SGMS1: variants seen among roughly 807,000 people sequenced by gnomAD.
The protein encoded by SGMS1 is sphingomyelin synthase 1, also known as phosphatidylcholine:ceramide cholinephosphotransferase 1.
Under a neutral mutation model 46.2 loss-of-function variants are expected in SGMS1, and 13 were observed. The observed-to-expected ratio is 0.28, with a 90% CI of 0.18 to 0.45. The LOEUF (loss-of-function observed/expected upper bound fraction) is 0.45, where lower values mean the gene tolerates loss of function less well. Among genes scored for constraint, SGMS1 ranks in the 20% least tolerant of loss-of-function variants. The probability of loss-of-function intolerance (pLI) is 1.00; values close to 1 mark genes in which losing one functional copy is unlikely to be tolerated. For missense variants in SGMS1, 324 were observed against 519.9 expected, an observed-to-expected ratio of 0.62 and a Z score of 3.66; for synonymous variants, 203 against 187.8, an observed-to-expected ratio of 1.08 and a Z score of -0.66.
At chr10:50,458,340 T>TCTC (rs1491289048) in intron 5 of SGMS1, among the ~76,000 whole-genome samples, 3 of 10,850 alleles carry the variant, frequency 2.8e-4, no homozygotes, top group Non-Finnish European at 6.6e-4. Context: ...TCTTTTTCTC[T>TCTC]TTTTTTTTTT....
intron 6 of SGMS1, among the ~76,000 whole-genome samples, chr10:50,426,593 G>A (rs1454326305): frequency 6.6e-6 from 1 of 152,216 alleles, no homozygotes; most frequent in Non-Finnish European, 1.5e-5. Context: ...AAGTTTGAAA[G>A]CCCCTGGTCC....
intron 2 of SGMS1, among the ~76,000 whole-genome samples, chr10:50,578,056 A>G (rs1838400691): frequency 6.6e-6 from 1 of 152,240 alleles, no homozygotes; most frequent in Admixed American, 6.5e-5. Context: ...CACCTCAAGG[A>G]GCAGATCATG....
chr10:50,386,141 A>G (rs1405815250), intron 6 of SGMS1, among the ~76,000 whole-genome samples: 1 of 152,206 alleles, frequency 6.6e-6, no homozygotes, highest in African/African-American at 2.4e-5. Context: ...GAAACTGGAA[A>G]ATAAATGTGA....
chr10:50,372,447 C>A (rs775607596), intron 6 of SGMS1, among the ~76,000 whole-genome samples: 16 of 152,206 alleles, frequency 1.1e-4, no homozygotes, highest in Non-Finnish European at 1.6e-4. Flanking sequence ...GTAATCCCAG[C>A]ACTTTGGGAG....
intron 2 of SGMS1, among the ~76,000 whole-genome samples, chr10:50,530,093 C>T (rs962033620): frequency 1.3e-5 from 2 of 152,172 alleles, no homozygotes; most frequent in Non-Finnish European, 2.9e-5. Flanking sequence ...CTGCACATTG[C>T]CTAAAATAAG....
intron 6 of SGMS1, among the ~76,000 whole-genome samples, chr10:50,363,547 G>T (rs900104764): frequency 1.3e-5 from 2 of 152,170 alleles, no homozygotes; most frequent in African/African-American, 4.8e-5. Context: ...CTGGAAAAGA[G>T]ACATGGAGAG....
At chr10:50,340,038 TGAG>T (rs1343893207) in intron 7 of SGMS1, among the ~76,000 whole-genome samples, 1 of 152,124 alleles carries the variant, frequency 6.6e-6, no homozygotes, top group East Asian at 1.9e-4. Flanking sequence ...TAAAAGGAAC[TGAG>T]GAGTTCTAGG....
intron 5 of SGMS1, among the ~76,000 whole-genome samples, chr10:50,448,397 G>A: frequency 6.6e-6 from 1 of 152,018 alleles, no homozygotes; most frequent in African/African-American, 2.4e-5. Context: ...ACCATATACA[G>A]CCTCTGGAAA....
chr10:50,440,287 T>A (rs1166964822), intron 5 of SGMS1, among the ~76,000 whole-genome samples: 1 of 150,714 alleles, frequency 6.6e-6, no homozygotes, highest in Admixed American at 6.6e-5. Flanking sequence ...TATATATATA[T>A]ATATATTTTC....
intron 6 of SGMS1, among the ~76,000 whole-genome samples, chr10:50,379,839 T>A (rs1051213834): frequency 2.0e-5 from 3 of 152,146 alleles, no homozygotes; most frequent in Admixed American, 1.3e-4. Context: ...GCTTGGGACC[T>A]GCCCCAAACT....
intron 1 of SGMS1, among the ~76,000 whole-genome samples, chr10:50,596,254 G>A (rs897758814): frequency 6.1e-5 from 9 of 147,500 alleles, no homozygotes; most frequent in African/African-American, 1.8e-4. Context: ...TCAGCTCACC[G>A]CAACCTGCGC....
chr10:50,608,159 TCCTTTCAGCATTCCA>T (rs954206640), intron 1 of SGMS1, among the ~76,000 whole-genome samples: 21 of 152,356 alleles, frequency 1.4e-4, no homozygotes, highest in African/African-American at 5.0e-4. Context: ...GCAATACTAT[TCCTTTCAGCATTCCA>T]CCTTTCAGCA....
intron 6 of SGMS1, among the ~76,000 whole-genome samples, chr10:50,357,366 A>T (rs184792626): frequency 1.3e-5 from 2 of 152,192 alleles, no homozygotes; most frequent in African/African-American, 4.8e-5. Flanking sequence ...TCATTTATAA[A>T]TTTTTTTTAT....
At chr10:50,517,156 C>A (rs1837813622) in intron 3 of SGMS1, among the ~76,000 whole-genome samples, 1 of 152,178 alleles carries the variant, frequency 6.6e-6, no homozygotes. Flanking sequence ...GATTCCAAGA[C>A]ATAATTATCA....
At chr10:50,493,822 G>C (rs1321510899) in intron 3 of SGMS1, among the ~76,000 whole-genome samples, 2 of 152,262 alleles carry the variant, frequency 1.3e-5, no homozygotes, top group Admixed American at 6.5e-5. Context: ...TTTTGAGACA[G>C]AGTCTTGCCC....
chr10:50,502,840 T>C (rs1837673274), intron 3 of SGMS1, among the ~76,000 whole-genome samples: 1 of 152,188 alleles, frequency 6.6e-6, no homozygotes, highest in African/African-American at 2.4e-5. Flanking sequence ...AGTGGACTGA[T>C]TTGTTACTGG....
intron 5 of SGMS1, among the ~76,000 whole-genome samples, chr10:50,444,974 G>A (rs557270750): frequency 1.6e-4 from 24 of 152,188 alleles, no homozygotes; most frequent in East Asian, 3.9e-4. Context: ...CCAAAGACAC[G>A]TATCCAGAAT....
chr10:50,407,209 C>T (rs1404291002), intron 6 of SGMS1, among the ~76,000 whole-genome samples: 1 of 152,076 alleles, frequency 6.6e-6, no homozygotes, highest in Non-Finnish European at 1.5e-5. Flanking sequence ...ACTGTTTAAC[C>T]TCTCTGGATT....
At chr10:50,568,670 A>C (rs11006160) in intron 2 of SGMS1, among the ~76,000 whole-genome samples, 32,092 of 152,182 alleles carry the variant, frequency 0.21, 4,362 homozygotes, top group East Asian at 0.64. Flanking sequence ...GAGACCCCAT[A>C]TCAAAAAAAA....
Sources: gnomAD v4.1 joint callset for allele counts (sites outside exome capture counted in the v4.1 genomes callset) on GRCh38, gnomAD v4.1.1 for gene constraint, MANE v1.5 for transcripts, NCBI Gene and HGNC (gene_info 2026-07-23, HGNC 2026-07-21) for gene names.